The following ARB2A variants were observed in gnomAD, a reference collection of about 807,000 sequenced individuals.
ARB2A encodes ARB2 cotranscriptional regulator A.
chr5:93,718,712 G>A, the ARB2A span, among the ~76,000 whole-genome samples: 1 of 152,168 alleles, frequency 6.6e-6, no homozygotes, highest in Non-Finnish European at 1.5e-5. Flanking sequence ...AACAACGTCT[G>A]TCCATTTTAC....
chr5:93,673,712 T>G, the ARB2A span, among the ~76,000 whole-genome samples: 1 of 152,216 alleles, frequency 6.6e-6, no homozygotes, highest in African/African-American at 2.4e-5. Context: ...TATTTCCTAT[T>G]TATAGACTCT....
At chr5:93,992,923 T>A in the ARB2A span, among the ~76,000 whole-genome samples, 1 of 152,162 alleles carries the variant, frequency 6.6e-6, no homozygotes, top group African/African-American at 2.4e-5. Flanking sequence ...CAAAAATAGA[T>A]TTTGTTCCAG....
At chr5:94,021,704 C>A in the ARB2A span, among the ~76,000 whole-genome samples, 3 of 152,242 alleles carry the variant, frequency 2.0e-5, no homozygotes, top group South Asian at 6.2e-4. Flanking sequence ...GAGTGCTACC[C>A]ATGAGTATAA....
the ARB2A span, among the ~76,000 whole-genome samples, chr5:93,920,528 T>C: frequency 6.6e-6 from 1 of 152,126 alleles, no homozygotes; most frequent in Non-Finnish European, 1.5e-5. Context: ...TTGCATGGCC[T>C]AGAAACATCA....
At chr5:93,841,366 A>G in the ARB2A span, among the ~76,000 whole-genome samples, 1 of 152,196 alleles carries the variant, frequency 6.6e-6, no homozygotes, top group African/African-American at 2.4e-5. Context: ...AACTATTTAC[A>G]TAGCATTTAC....
chr5:93,981,271 G>A, the ARB2A span, among the ~76,000 whole-genome samples: 2 of 151,764 alleles, frequency 1.3e-5, no homozygotes, highest in Non-Finnish European at 2.9e-5. Context: ...GTTTCACCAT[G>A]TTGCCCAGGC....
the ARB2A span, among the ~76,000 whole-genome samples, chr5:94,045,441 T>A: frequency 6.6e-6 from 1 of 152,104 alleles, no homozygotes; most frequent in South Asian, 2.1e-4. Context: ...TCCAATAAAT[T>A]ATGCCACATA....
the ARB2A span, among the ~76,000 whole-genome samples, chr5:93,760,245 C>T: frequency 6.6e-6 from 1 of 152,206 alleles, no homozygotes; most frequent in East Asian, 1.9e-4. Context: ...TGAAAGAAAT[C>T]ATACGTGACA....
At chr5:93,753,588 C>T in the ARB2A span, among the ~76,000 whole-genome samples, 1 of 152,178 alleles carries the variant, frequency 6.6e-6, no homozygotes, top group Non-Finnish European at 1.5e-5. Flanking sequence ...AGGAACTTCT[C>T]AAGTTTAATT....
At chr5:93,984,547 T>C in the ARB2A span, among the ~76,000 whole-genome samples, 1 of 152,192 alleles carries the variant, frequency 6.6e-6, no homozygotes, top group African/African-American at 2.4e-5. Flanking sequence ...TTATCCCCTA[T>C]ATAAAATTAT....
chr5:94,099,361 AT>A, the ARB2A span, among the ~76,000 whole-genome samples: 597 of 152,228 alleles, frequency 3.9e-3, no homozygotes, highest in Non-Finnish European at 6.1e-3. Context: ...ACGGTGGCTC[AT>A]GCCTGTAATC....
the ARB2A span, among the ~76,000 whole-genome samples, chr5:93,817,166 CATAT>C: frequency 2.2e-4 from 34 of 151,654 alleles, 1 homozygote; most frequent in African/African-American, 8.0e-4. Context: ...ACAAGACTAA[CATAT>C]AAAAATAAAT....
the ARB2A span, among the ~76,000 whole-genome samples, chr5:93,762,980 C>A: frequency 1.1e-4 from 17 of 152,066 alleles, no homozygotes; most frequent in East Asian, 1.9e-4. Flanking sequence ...GAAATAAAAT[C>A]CTTTACAGAC....
At chr5:94,013,620 T>G in the ARB2A span, among the ~76,000 whole-genome samples, 3 of 151,950 alleles carry the variant, frequency 2.0e-5, no homozygotes, top group Non-Finnish European at 2.9e-5. Context: ...CAATGAAAGA[T>G]GAAGGGAGCA....
chr5:94,003,768 T>C, the ARB2A span, among the ~76,000 whole-genome samples: 1 of 152,114 alleles, frequency 6.6e-6, no homozygotes, highest in East Asian at 1.9e-4. Flanking sequence ...AATAAACATG[T>C]CAATTCTCTG....
the ARB2A span, among the ~76,000 whole-genome samples, chr5:93,633,853 T>TGG: frequency 6.6e-6 from 1 of 152,108 alleles, no homozygotes; most frequent in Non-Finnish European, 1.5e-5. Flanking sequence ...TCACCCAGGC[T>TGG]GGAGTACAGG....
the ARB2A span, chr5:94,074,815 C>G: frequency 7.6e-7 from 1 of 1,322,160 alleles, no homozygotes; most frequent in Non-Finnish European, 1.1e-6. Flanking sequence ...CAAAACCTAT[C>G]TATTCCACGA....
chr5:94,061,817 G>A, the ARB2A span, among the ~76,000 whole-genome samples: 14 of 152,274 alleles, frequency 9.2e-5, no homozygotes, highest in Middle Eastern at 3.4e-3. Flanking sequence ...GACATATCAG[G>A]TGAATGGATT....
chr5:93,796,052 G>C, the ARB2A span, among the ~76,000 whole-genome samples: 9 of 152,182 alleles, frequency 5.9e-5, no homozygotes, highest in Non-Finnish European at 1.2e-4. Context: ...AGCATCTGGC[G>C]TAATACGCTG....
Sources: gnomAD v4.1 joint callset for allele counts (sites outside exome capture counted in the v4.1 genomes callset) on GRCh38, gnomAD v4.1.1 for gene constraint, MANE v1.5 for transcripts, NCBI Gene and HGNC (gene_info 2026-07-23, HGNC 2026-07-21) for gene names.